GUCD1: variants seen among roughly 807,000 people sequenced by gnomAD.
The protein encoded by GUCD1 is protein GUCD1.
Under a neutral mutation model 28.3 loss-of-function variants are expected in GUCD1, and 17 were observed. The observed-to-expected ratio is 0.60, with a 90% CI of 0.41 to 0.90. The LOEUF is 0.90. Ranked by LOEUF, GUCD1 falls within the 40% of genes least tolerant of loss-of-function variation. The pLI, the probability that GUCD1 is intolerant of heterozygous loss-of-function variation, is 0.00. For missense variants in GUCD1, 279 were observed against 305.5 expected, an observed-to-expected ratio of 0.91 and a Z score of 0.65; for synonymous variants, 129 against 123.3, an observed-to-expected ratio of 1.05 and a Z score of -0.30.
intron 1 of GUCD1, among the ~76,000 whole-genome samples, chr22:24,554,711 C>T (rs2044985572): frequency 6.6e-6 from 1 of 152,240 alleles, no homozygotes; most frequent in South Asian, 2.1e-4. Context: ...CCCAAGGCGG[C>T]TCCAGCAGGA....
chr22:24,541,890 T>A lies in GUCD1; in HGVS notation c.*1116A>T, dbSNP rs1297276029. On this transcript the variant is annotated 3_prime_UTR_variant, in exon 6 of 6. Coordinates refer to ENST00000435822, the MANE Select transcript of GUCD1 (RefSeq NM_001284254.2). ...TTCACTCTTGCTATTACTGTTTTAC[T>A]TGAAGGTGATTACCCCTCAAAAATG... 1 of 152,234 alleles carries A rather than the reference T, an allele frequency of 6.6e-6. No individual in the cohort carries two copies. Among genetic ancestry groups the A allele is most frequent in the African/African-American group, 2.4e-5 (1 of 41,468 alleles). 9.4% of individuals were successfully genotyped at this position (152,234 alleles called of 1,614,324 possible).
In GUCD1 at chr22:24,552,060, C is replaced by T. The variant is rs961305646; in HGVS notation, c.43+2889G>A. ...AGCAGTGTTCATGCCCTTTCTGTTC[C>T]TTCCACCATGTGAGGACACGTAGGT... On this transcript the variant is annotated intron_variant, in intron 1 of 5. Transcript: ENST00000435822. Among the ~76,000 whole-genome samples, 3 of 152,196 alleles carry T rather than the reference C, an allele frequency of 2.0e-5. No homozygotes were observed. In the South Asian group the frequency reaches 6.2e-4, roughly 31 times the overall value.
intron 4 of GUCD1, among the ~76,000 whole-genome samples, chr22:24,545,363 G>C (rs2044699299): frequency 6.6e-6 from 1 of 152,140 alleles, no homozygotes; most frequent in Non-Finnish European, 1.5e-5. Flanking sequence ...TTGGCTGGAA[G>C]GAAAAACTAC....
chr22:24,551,584 T>G (rs2044876294), intron 1 of GUCD1, among the ~76,000 whole-genome samples: 1 of 152,228 alleles, frequency 6.6e-6, no homozygotes, highest in African/African-American at 2.4e-5. Context: ...AGGATCCCTC[T>G]GTCTGAAACT....
chr22:24,543,713 G>T (rs963839651), intron 5 of GUCD1, 129 bp downstream of exon 5: 5 of 1,207,398 alleles, frequency 4.1e-6, no homozygotes, highest in Non-Finnish European at 5.8e-6. Flanking sequence ...GAGGAGCAGG[G>T]GCTTTGGGGA....
chr22:24,546,186 C>T (rs1001016809), intron 4 of GUCD1, among the ~76,000 whole-genome samples: 5 of 151,998 alleles, frequency 3.3e-5, no homozygotes, highest in Non-Finnish European at 7.4e-5. Context: ...TGGTCTCGAT[C>T]TCCTGACCTC....
rs761805251 is a variant in GUCD1, at chr22:24,554,902, C to G, written c.43+47G>C. 5.5e-6 allele frequency: 8 copies of G among 1,444,604 alleles called. No individual in the cohort carries two copies. The South Asian group carries it at 8.1e-5, about 15-fold the overall frequency. 89.5% of individuals were successfully genotyped at this position (1,444,604 alleles called of 1,614,324 possible). A position where few individuals can be genotyped will look rare whatever the true frequency, so the allele number is the denominator to read the frequency against. On this transcript the variant is annotated intron_variant, in intron 1 of 5. Transcript: ENST00000435822. ...ACCCTGCCCCGCGCTAGGGAGGGGT[C>G]CCTTTCGTTCCTAGGGTGAAGACTG...
intron 1 of GUCD1, among the ~76,000 whole-genome samples, chr22:24,551,783 G>A (rs950466244): frequency 2.6e-5 from 4 of 152,182 alleles, no homozygotes; most frequent in Non-Finnish European, 4.4e-5. Context: ...CTCTTGAGAC[G>A]GCAAGCTTCC....
At chr22:24,552,693 C>A (rs1418885573) in intron 1 of GUCD1, among the ~76,000 whole-genome samples, 1 of 151,776 alleles carries the variant, frequency 6.6e-6, no homozygotes, top group Non-Finnish European at 1.5e-5. Context: ...TTGCTTGAAC[C>A]TGGGAGGCGG....
intron 1 of GUCD1, among the ~76,000 whole-genome samples, chr22:24,551,641 G>A (rs2044878029): frequency 1.3e-5 from 2 of 152,306 alleles, no homozygotes; most frequent in South Asian, 4.1e-4. Context: ...TAGTCATTCA[G>A]GTCCCAGCTC....
At chr22:24,555,798 C>A, upstream of GUCD1, 9 of 1,548,824 alleles carry the variant, frequency 5.8e-6, no homozygotes, top group Non-Finnish European at 7.8e-6. Flanking sequence ...CCCCAAGGGT[C>A]GTTGCGGCGG....
chr22:24,547,772 C>G, intron 3 of GUCD1, 136 bp downstream of exon 3: 1 of 866,602 alleles, frequency 1.2e-6, no homozygotes, highest in Non-Finnish European at 1.8e-6. Context: ...TCTGCTGCTG[C>G]TCCCTGGTCT....
chr22:24,553,999 T>C (rs2044956302), intron 1 of GUCD1, among the ~76,000 whole-genome samples: 2 of 152,238 alleles, frequency 1.3e-5, no homozygotes, highest in Admixed American at 6.5e-5. Context: ...AGTTAGTGGC[T>C]GTCACTAAGG....
At chr22:24,550,652 TC>T (rs2044848262) in intron 1 of GUCD1, among the ~76,000 whole-genome samples, 1 of 152,250 alleles carries the variant, frequency 6.6e-6, no homozygotes, top group African/African-American at 2.4e-5. Context: ...CAGCCCCAGT[TC>T]CCCTCACTTC....
chr22:24,545,007 T>C (rs969333717), intron 4 of GUCD1, among the ~76,000 whole-genome samples: 9 of 150,060 alleles, frequency 6.0e-5, no homozygotes, highest in African/African-American at 2.2e-4. Context: ...GTATGACAGA[T>C]TAAGACCCTG....
intron 1 of GUCD1, among the ~76,000 whole-genome samples, chr22:24,552,598 C>G (rs1039006315): frequency 1.3e-5 from 2 of 152,144 alleles, no homozygotes; most frequent in Middle Eastern, 6.8e-3. Flanking sequence ...ATGGTGAAAC[C>G]CTGTCTCTAC....
rs999055442 is a variant in GUCD1, at chr22:24,541,287, C to G, written c.*1719G>C. 1.3e-5 allele frequency: 2 copies of G among 152,578 alleles called. No individual in the cohort carries two copies. Among genetic ancestry groups the G allele is most frequent in the Non-Finnish European group, 2.9e-5 (2 of 68,266 alleles). 9.5% of individuals were successfully genotyped at this position (152,578 alleles called of 1,614,324 possible). ...TCCAAAGCAATGGGCGGGGGCACAGCTGCCACCATGCCATGCCTTGGGCAT... is the reference window on the plus strand; with the variant it reads ...TCCAAAGCAATGGGCGGGGGCACAGGTGCCACCATGCCATGCCTTGGGCAT... On this transcript the variant is annotated 3_prime_UTR_variant, in exon 6 of 6. Coordinates refer to ENST00000435822, the MANE Select transcript of GUCD1 (RefSeq NM_001284254.2).
rs2044743403 is a variant in GUCD1, at chr22:24,546,941, T to G, written c.359A>C (p.Lys120Thr). 6.2e-7 allele frequency: 1 copy of G among 1,613,962 alleles called. No individual in the cohort carries two copies. Among genetic ancestry groups the G allele is most frequent in the South Asian group, 1.1e-5 (1 of 91,076 alleles). Reference sequence around the variant, plus strand: ...TTTCTCCACCAGCACCTTGCAGGCCTTTGCTTGTGCAAACAGCTGATTCAC... The same window carrying G: ...TTTCTCCACCAGCACCTTGCAGGCCGTTGCTTGTGCAAACAGCTGATTCAC... ...TRVNQLFAQAKACKVLVEKCT... is the reference protein window; with the variant it reads ...TRVNQLFAQATACKVLVEKCT... Residue 120 changes from lysine to threonine, a missense_variant, in exon 4 of 6, where the codon AAG becomes ACG. Coordinates refer to ENST00000435822, the MANE Select transcript of GUCD1 (RefSeq NM_001284254.2).
chr22:24,555,482 C>T (rs1312978817), upstream of GUCD1: 28 of 1,198,970 alleles, frequency 2.3e-5, no homozygotes, highest in Non-Finnish European at 3.0e-5. Flanking sequence ...CTGATCCCGC[C>T]CAGTGCATCC....
Sources: allele counts gnomAD v4.1 joint callset (sites outside exome capture counted in the v4.1 genomes callset), GRCh38; gene constraint gnomAD v4.1.1; transcripts MANE v1.5; gene names NCBI Gene and HGNC (gene_info 2026-07-23, HGNC 2026-07-21).